KLHL32: variants seen among roughly 807,000 people sequenced by gnomAD.
The protein encoded by KLHL32 is kelch like family member 32, also known as kelch-like protein 32.
In KLHL32, 35 loss-of-function variants were observed where a neutral mutation model predicts 64.8. That is an observed-to-expected ratio of 0.54 (90% confidence interval 0.41 to 0.72). The LOEUF (loss-of-function observed/expected upper bound fraction) is 0.72, where lower values mean the gene tolerates loss of function less well. Ranked by LOEUF, KLHL32 falls within the 30% of genes least tolerant of loss-of-function variation. KLHL32 has a pLI of 0.00. For synonymous variants in KLHL32, 259 were observed against 281.0 expected (o/e 0.92, Z 0.78); for missense variants, 589 against 768.5 (o/e 0.77, Z 2.76).
At chr6:96,979,714 G>C (rs1776088064) in intron 3 of KLHL32, among the ~76,000 whole-genome samples, 1 of 152,148 alleles carries the variant, frequency 6.6e-6, no homozygotes, top group African/African-American at 2.4e-5. Flanking sequence ...TTGGTAGTTT[G>C]ATAGGAATAA....
chr6:96,906,257 T>C, the KLHL32 span, among the ~76,000 whole-genome samples: 2 of 152,188 alleles, frequency 1.3e-5, no homozygotes, highest in African/African-American at 4.8e-5. Flanking sequence ...TAAATAGATA[T>C]TGTTTTAAGC....
intron 3 of KLHL32, chr6:96,994,720 A>ATGTGTTTTT: frequency 2.5e-6 from 2 of 815,700 alleles, no homozygotes; most frequent in Non-Finnish European, 3.0e-6. Context: ...AAAGTGAAAA[A>ATGTGTTTTT]ACACATTTTT....
At chr6:96,980,491 T>G (rs1382889761) in intron 3 of KLHL32, among the ~76,000 whole-genome samples, 1 of 151,994 alleles carries the variant, frequency 6.6e-6, no homozygotes, top group South Asian at 2.1e-4. Context: ...TGAACCAACC[T>G]TATATTTCAA....
intron 3 of KLHL32, among the ~76,000 whole-genome samples, chr6:97,028,452 A>C (rs867554638): frequency 1.3e-5 from 2 of 152,186 alleles, no homozygotes; most frequent in South Asian, 4.1e-4. Flanking sequence ...TATTTTCCTC[A>C]GTAAAGAATC....
chr6:97,070,794 G>A (rs955186609), intron 5 of KLHL32, among the ~76,000 whole-genome samples: 18 of 152,112 alleles, frequency 1.2e-4, no homozygotes, highest in Non-Finnish European at 1.5e-5. Context: ...TCATGCTAGA[G>A]TTCAGAATCA....
At chr6:97,002,780 C>A (rs1436788018) in intron 3 of KLHL32, among the ~76,000 whole-genome samples, 1 of 152,166 alleles carries the variant, frequency 6.6e-6, no homozygotes, top group Non-Finnish European at 1.5e-5. Context: ...CCAGCTCCAT[C>A]CATGTTTCTG....
intron 1 of KLHL32, among the ~76,000 whole-genome samples, chr6:96,926,191 A>T (rs1195451191): frequency 6.6e-6 from 1 of 152,196 alleles, no homozygotes; most frequent in Non-Finnish European, 1.5e-5. Flanking sequence ...GCATTCAAGA[A>T]TTAATTTTGT....
chr6:97,023,531 A>G (rs1782299084), intron 3 of KLHL32, among the ~76,000 whole-genome samples: 2 of 152,348 alleles, frequency 1.3e-5, no homozygotes, highest in Admixed American at 1.3e-4. Flanking sequence ...CTTTCTACAC[A>G]TGACAGTATG....
chr6:96,939,063 C>T (rs1410798052), intron 1 of KLHL32, among the ~76,000 whole-genome samples: 1 of 152,150 alleles, frequency 6.6e-6, no homozygotes, highest in East Asian at 1.9e-4. Context: ...ATTACTCAGT[C>T]TCTAAAGCTA....
intron 6 of KLHL32, among the ~76,000 whole-genome samples, chr6:97,113,395 A>G (rs892830729): frequency 1.3e-5 from 2 of 152,128 alleles, no homozygotes; most frequent in Admixed American, 6.5e-5. Flanking sequence ...CTGAGCTTTG[A>G]TGACACCTCC....
chr6:97,000,602 T>C (rs1272616688), intron 3 of KLHL32, among the ~76,000 whole-genome samples: 2 of 152,232 alleles, frequency 1.3e-5, no homozygotes, highest in Non-Finnish European at 2.9e-5. Context: ...TAAATATGAT[T>C]ATAATTTCTA....
chr6:97,112,492 G>T (rs1390831366), intron 6 of KLHL32, among the ~76,000 whole-genome samples: 1 of 151,692 alleles, frequency 6.6e-6, no homozygotes, highest in Non-Finnish European at 1.5e-5. Context: ...TGTTGCCCAG[G>T]CTGGAGTGCA....
At chr6:97,097,774 G>A (rs753347269) in intron 6 of KLHL32, among the ~76,000 whole-genome samples, 23 of 152,038 alleles carry the variant, frequency 1.5e-4, no homozygotes, top group Admixed American at 9.8e-4. Flanking sequence ...TTTCCATTCC[G>A]ATTGTGCAGT....
At chr6:97,034,654 A>G (rs945153484) in intron 3 of KLHL32, among the ~76,000 whole-genome samples, 1 of 151,406 alleles carries the variant, frequency 6.6e-6, no homozygotes, top group Non-Finnish European at 1.5e-5. Context: ...ATGTCTTTCC[A>G]TTTTATCTGT....
At chr6:97,058,256 CTGTT>C (rs1387341329) in intron 4 of KLHL32, among the ~76,000 whole-genome samples, 4 of 152,122 alleles carry the variant, frequency 2.6e-5, no homozygotes, top group African/African-American at 9.7e-5. Flanking sequence ...GCTTTAGAAT[CTGTT>C]TGTTAATACA....
At chr6:96,995,008 A>T (rs544637760) in intron 3 of KLHL32, among the ~76,000 whole-genome samples, 12 of 152,260 alleles carry the variant, frequency 7.9e-5, no homozygotes, top group African/African-American at 2.9e-4. Flanking sequence ...TTGTGGGGTT[A>T]CTCATCTTCT....
At chr6:97,133,730 G>C (rs1191417353) in intron 10 of KLHL32, among the ~76,000 whole-genome samples, 1 of 152,002 alleles carries the variant, frequency 6.6e-6, no homozygotes, top group East Asian at 1.9e-4. Context: ...AGGTTTGTCT[G>C]GGGAATTTAA....
chr6:96,904,714 T>G, the KLHL32 span, among the ~76,000 whole-genome samples: 1 of 152,142 alleles, frequency 6.6e-6, no homozygotes, highest in East Asian at 1.9e-4. Flanking sequence ...AAACAGCAAT[T>G]AGGTAGGACT....
the KLHL32 span, among the ~76,000 whole-genome samples, chr6:96,904,769 G>T: frequency 2.0e-5 from 3 of 152,164 alleles, no homozygotes; most frequent in African/African-American, 7.2e-5. Flanking sequence ...GTATGGTATT[G>T]TTACAGGAAT....
Sources: gnomAD v4.1 joint callset for allele counts (sites outside exome capture counted in the v4.1 genomes callset) on GRCh38, gnomAD v4.1.1 for gene constraint, MANE v1.5 for transcripts, NCBI Gene and HGNC (gene_info 2026-07-23, HGNC 2026-07-21) for gene names.